Variants in GNB4 observed in about 807,000 individuals in gnomAD.
GNB4 encodes G protein subunit beta 4, also known as guanine nucleotide-binding protein subunit beta-4.
In GNB4, 28 loss-of-function variants were observed where a neutral mutation model predicts 45.2. That is an observed-to-expected ratio of 0.62 (90% confidence interval 0.46 to 0.85). The LOEUF (loss-of-function observed/expected upper bound fraction) is 0.85. Ranked by LOEUF, GNB4 falls within the 40% of genes least tolerant of loss-of-function variation. The probability of loss-of-function intolerance (pLI) is 0.00; values close to 1 mark genes in which losing one functional copy is unlikely to be tolerated. For missense variants in GNB4, 321 were observed against 425.4 expected (o/e 0.75, Z 2.16); for synonymous variants, 132 against 143.7 (o/e 0.92, Z 0.58).
chr3:179,401,680 G>A (rs1301064196), intron 9 of GNB4, among the ~76,000 whole-genome samples: 1 of 152,170 alleles, frequency 6.6e-6, no homozygotes, highest in Non-Finnish European at 1.5e-5. Context: ...ACTGAGCTAT[G>A]TATGCTATTC....
the GNB4 span, among the ~76,000 whole-genome samples, chr3:179,522,504 G>A: frequency 6.9e-6 from 1 of 144,008 alleles, no homozygotes; most frequent in South Asian, 2.1e-4. Flanking sequence ...TTTACAGTCA[G>A]TATAAATATT....
the GNB4 span, among the ~76,000 whole-genome samples, chr3:179,502,813 T>C: frequency 6.6e-6 from 1 of 152,184 alleles, no homozygotes; most frequent in Admixed American, 6.5e-5. Flanking sequence ...CAGAGTCCCA[T>C]GTATATGCAT....
chr3:179,446,456 T>C (rs1577041740), intron 1 of GNB4, among the ~76,000 whole-genome samples: 1 of 152,250 alleles, frequency 6.6e-6, no homozygotes, highest in East Asian at 1.9e-4. Flanking sequence ...ACATTTTGGG[T>C]GTGCTCAATA....
the GNB4 span, among the ~76,000 whole-genome samples, chr3:179,511,887 C>G: frequency 6.6e-6 from 1 of 152,166 alleles, no homozygotes; most frequent in South Asian, 2.1e-4. Context: ...TAGAAAGGCT[C>G]TACACTGTCC....
Position 179,414,716 on chromosome 3 carries a change from C to T in GNB4, c.430+169G>A, listed in dbSNP as rs548878933. ...TTTTGAAAAATAAAATTATGATCAA[C>T]GTTTGTATGACTATAAAAAGTTAAT... is the stretch of plus-strand genomic sequence containing the variant. On this transcript the variant is annotated intron_variant, in intron 6 of 9. Transcript: ENST00000232564. Among the ~76,000 whole-genome samples, 13 of 146,820 alleles carry T rather than the reference C, an allele frequency of 8.9e-5. No homozygotes were observed. The South Asian group carries it at 2.4e-3, about 27-fold the overall frequency.
the GNB4 span, among the ~76,000 whole-genome samples, chr3:179,468,238 G>A: frequency 1.5e-4 from 23 of 151,610 alleles, no homozygotes; most frequent in Admixed American, 3.3e-4. Flanking sequence ...GCTCATGCCT[G>A]TAATCCCAGC....
At chr3:179,491,446 G>C in the GNB4 span, among the ~76,000 whole-genome samples, 1 of 152,186 alleles carries the variant, frequency 6.6e-6, no homozygotes, top group African/African-American at 2.4e-5. Flanking sequence ...AAACCTAGGG[G>C]AGTAGAGAAG....
chr3:179,438,390 T>A (rs537533299), intron 1 of GNB4, among the ~76,000 whole-genome samples: 1 of 152,352 alleles, frequency 6.6e-6, no homozygotes, highest in East Asian at 1.9e-4. Flanking sequence ...TTCCTTCATC[T>A]GTGCAGTGGG....
At chr3:179,471,833 T>G in the GNB4 span, among the ~76,000 whole-genome samples, 1 of 152,206 alleles carries the variant, frequency 6.6e-6, no homozygotes, top group Admixed American at 6.5e-5. Context: ...GAATTTTAAA[T>G]TTTAAATAAA....
chr3:179,406,523 A>T (rs532848102), intron 8 of GNB4, among the ~76,000 whole-genome samples: 15 of 152,218 alleles, frequency 9.9e-5, no homozygotes. Context: ...TTAATCTTTT[A>T]TATCTAGGTA....
chr3:179,442,188 A>G (rs945019891), intron 1 of GNB4, among the ~76,000 whole-genome samples: 11 of 152,212 alleles, frequency 7.2e-5, no homozygotes, highest in African/African-American at 2.2e-4. Context: ...TTAAAGTATT[A>G]CGTCATTGAA....
At chr3:179,504,565 G>A in the GNB4 span, among the ~76,000 whole-genome samples, 1 of 152,196 alleles carries the variant, frequency 6.6e-6, no homozygotes, top group Non-Finnish European at 1.5e-5. Flanking sequence ...AGTGAGATAA[G>A]GAGCTCTAAC....
At chr3:179,497,371 A>G in the GNB4 span, among the ~76,000 whole-genome samples, 1 of 152,190 alleles carries the variant, frequency 6.6e-6, no homozygotes, top group Non-Finnish European at 1.5e-5. Flanking sequence ...TTAAAAACTT[A>G]ATCATAAGAC....
At chr3:179,489,021 T>TA in the GNB4 span, among the ~76,000 whole-genome samples, 1 of 34,490 alleles carries the variant, frequency 2.9e-5, no homozygotes, top group African/African-American at 1.2e-4. Flanking sequence ...AAAAAAAAAA[T>TA]ATATATATAT....
At chr3:179,461,919 C>T in the GNB4 span, among the ~76,000 whole-genome samples, 3 of 152,150 alleles carry the variant, frequency 2.0e-5, no homozygotes, top group African/African-American at 7.2e-5. Flanking sequence ...CCTAATCCAT[C>T]CGATATATTA....
At chr3:179,493,323 A>G in the GNB4 span, among the ~76,000 whole-genome samples, 1 of 152,190 alleles carries the variant, frequency 6.6e-6, no homozygotes, top group Non-Finnish European at 1.5e-5. Context: ...TAGACAACTA[A>G]GTGAAATTGA....
the GNB4 span, among the ~76,000 whole-genome samples, chr3:179,482,176 G>A: frequency 8.9e-3 from 1,357 of 152,244 alleles, 32 homozygotes; most frequent in African/African-American, 0.031. Flanking sequence ...CATTACAGGC[G>A]TGAACCACCA....
At chr3:179,513,855 T>G in the GNB4 span, among the ~76,000 whole-genome samples, 4 of 152,136 alleles carry the variant, frequency 2.6e-5, no homozygotes, top group Non-Finnish European at 5.9e-5. Flanking sequence ...ATAGAAAATA[T>G]AAAATAAAAG....
chr3:179,456,711 T>G, the GNB4 span, among the ~76,000 whole-genome samples: 13 of 152,238 alleles, frequency 8.5e-5, no homozygotes, highest in Non-Finnish European at 1.6e-4. Context: ...ATTTACAGCC[T>G]TAATTATAGT....
Sources: gnomAD v4.1 joint callset for allele counts (sites outside exome capture counted in the v4.1 genomes callset) on GRCh38, gnomAD v4.1.1 for gene constraint, MANE v1.5 for transcripts, NCBI Gene and HGNC (gene_info 2026-07-23, HGNC 2026-07-21) for gene names.